Variants in SMIM20 observed in about 807,000 individuals in gnomAD.
The protein encoded by SMIM20 is small integral membrane protein 20.
Under a neutral mutation model 8.7 loss-of-function variants are expected in SMIM20, and 3 were observed. The ratio of observed to expected loss-of-function variants is 0.34; its 90% CI spans 0.16 to 0.89. The LOEUF (loss-of-function observed/expected upper bound fraction) is 0.89. Among genes scored for constraint, SMIM20 ranks in the 40% least tolerant of loss-of-function variants. The probability of loss-of-function intolerance (pLI) is 0.49; values close to 1 mark genes in which losing one functional copy is unlikely to be tolerated. For synonymous variants in SMIM20, 44 were observed against 33.6 expected (o/e 1.31, Z -1.07); for missense variants, 85 against 84.8 (o/e 1.00, Z -0.01).
intron 1 of SMIM20, among the ~76,000 whole-genome samples, chr4:25,927,477 A>G (rs1355485974): frequency 2.0e-5 from 3 of 152,276 alleles, no homozygotes; most frequent in Non-Finnish European, 2.9e-5. Flanking sequence ...TTAAAGAAAC[A>G]CTGTCAGCCT....
At chr4:25,923,379 T>C (rs1387891289) in intron 1 of SMIM20, among the ~76,000 whole-genome samples, 5 of 152,180 alleles carry the variant, frequency 3.3e-5, no homozygotes, top group African/African-American at 7.2e-5. Flanking sequence ...TCTGTGATCC[T>C]TTTCATTTGA....
In SMIM20 at chr4:25,926,150, T is replaced by G. The variant is rs1719288910; in HGVS notation, c.110-2163T>G. On this transcript the variant is annotated intron_variant, in intron 1 of 2. Coordinates refer to ENST00000506197, the MANE Select transcript of SMIM20 (RefSeq NM_001145432.3). ...TCTGCCATTTCCCTTTTCCTGAGGT[T>G]TATATACATTTGCTCTTTTCCAAAG... Among the ~76,000 whole-genome samples the G allele has an allele frequency of 3.3e-5, 5 of 152,258 alleles. No homozygotes were observed. In the South Asian group the frequency reaches 1.0e-3, roughly 31 times the overall value.
At chr4:25,923,577 A>G (rs1186962295) in intron 1 of SMIM20, among the ~76,000 whole-genome samples, 1 of 152,144 alleles carries the variant, frequency 6.6e-6, no homozygotes, top group Non-Finnish European at 1.5e-5. Context: ...GCCTTCAGAC[A>G]GTGAAGAATG....
chr4:25,928,227 TCCCATGTCATTGG>T, intron 1 of SMIM20, 73 bp from the exon 2 acceptor site: 1 of 1,309,366 alleles, frequency 7.6e-7, no homozygotes, highest in South Asian at 1.3e-5. Context: ...TTTCTAATTG[TCCCATGTCATTGG>T]CCCATGTAAA....
At chr4:25,928,204 T>C (rs992038295) in intron 1 of SMIM20, 109 bp from the exon 2 acceptor site, 3 of 1,092,068 alleles carry the variant, frequency 2.7e-6, no homozygotes, top group Non-Finnish European at 3.9e-6. Flanking sequence ...TTAACAGCAC[T>C]CATAAATACT....
At chr4:25,914,469 A>G in intron 1 of SMIM20, 47 bp downstream of exon 1, 1 of 1,399,224 alleles carries the variant, frequency 7.1e-7, no homozygotes, top group Non-Finnish European at 9.4e-7. Flanking sequence ...CCCAACACAC[A>G]CACCTCCCCT....
chr4:25,922,926 G>A (rs1381777705), intron 1 of SMIM20, among the ~76,000 whole-genome samples: 1 of 152,218 alleles, frequency 6.6e-6, no homozygotes, highest in Non-Finnish European at 1.5e-5. Context: ...AAGCCAAGGA[G>A]ATCTTCCATG....
chr4:25,919,937 C>T (rs1577360867), intron 1 of SMIM20, among the ~76,000 whole-genome samples: 2 of 152,322 alleles, frequency 1.3e-5, no homozygotes, highest in African/African-American at 4.8e-5. Context: ...TCTTCACCCG[C>T]GTTCTTTACT....
rs1711585437 is a variant in SMIM20, at chr4:25,929,242, A to C, written c.*51A>C. On this transcript the variant is annotated 3_prime_UTR_variant, in exon 3 of 3. Coordinates refer to ENST00000506197, the MANE Select transcript of SMIM20 (RefSeq NM_001145432.3). ...GAAAGGAGATTTCTTCATGCTTTCG[A>C]TTCTGCATGGGGTACAGCCAGTCAC... The C allele has an allele frequency of 6.5e-7, 1 of 1,540,786 alleles. No homozygotes were observed. The highest frequency in any genetic ancestry group is 1.4e-5 in the African/African-American group (1 of 72,800).
At chr4:25,916,441 A>G (rs1356128167) in intron 1 of SMIM20, among the ~76,000 whole-genome samples, 1 of 152,008 alleles carries the variant, frequency 6.6e-6, no homozygotes, top group African/African-American at 2.4e-5. Flanking sequence ...CGAACTCCTG[A>G]CCTTAGGTGA....
intron 1 of SMIM20, among the ~76,000 whole-genome samples, chr4:25,918,777 G>T (rs1489975888): frequency 6.6e-6 from 1 of 151,166 alleles, no homozygotes; most frequent in African/African-American, 2.4e-5. Flanking sequence ...GCCTCCCAAA[G>T]TGCTGGGATT....
At chr4:25,918,003 C>T (rs1476080926) in intron 1 of SMIM20, among the ~76,000 whole-genome samples, 1 of 141,962 alleles carries the variant, frequency 7.0e-6, no homozygotes, top group Admixed American at 7.5e-5. Flanking sequence ...AGTGCAGTGG[C>T]GTGATCTCTG....
At chr4:25,914,784 ATCGTT>A (rs150398755) in intron 1 of SMIM20, among the ~76,000 whole-genome samples, 3 of 152,300 alleles carry the variant, frequency 2.0e-5, no homozygotes, top group Non-Finnish European at 2.9e-5. Flanking sequence ...CATATGTTGG[ATCGTT>A]TCATTTGCAC....
chr4:25,926,811 T>C (rs182268053), intron 1 of SMIM20, among the ~76,000 whole-genome samples: 2 of 152,378 alleles, frequency 1.3e-5, no homozygotes, highest in East Asian at 1.9e-4. Flanking sequence ...CCCTCTTCCA[T>C]AGTATCAGAA....
At chr4:25,918,028 C>T (rs999423748) in intron 1 of SMIM20, among the ~76,000 whole-genome samples, 11 of 151,112 alleles carry the variant, frequency 7.3e-5, no homozygotes, top group African/African-American at 2.4e-4. Context: ...CTGCAAGCTC[C>T]GCCTCCCGGG....
chr4:25,925,417 A>G (rs1003051609), intron 1 of SMIM20, among the ~76,000 whole-genome samples: 1 of 151,956 alleles, frequency 6.6e-6, no homozygotes, highest in Non-Finnish European at 1.5e-5. Context: ...TTGTATTTTT[A>G]GTAGAGATGG....
At chr4:25,926,944 A>C (rs77654190) in intron 1 of SMIM20, among the ~76,000 whole-genome samples, 116 of 152,292 alleles carry the variant, frequency 7.6e-4, no homozygotes, top group African/African-American at 2.7e-3. Context: ...ATACTTTGAG[A>C]CTTACATGTC....
chr4:25,926,974 G>A (rs993060225), intron 1 of SMIM20, among the ~76,000 whole-genome samples: 1 of 152,218 alleles, frequency 6.6e-6, no homozygotes, highest in Non-Finnish European at 1.5e-5. Context: ...GTGGGGCTCA[G>A]TTCTACAATG....
rs1331107231 is a variant in SMIM20 at position 25,914,225 on chromosome 4, C to A, written c.-89C>A. ...GGAAGCGAAAGCCTCTCCACCTCTT[C>A]CGAGCGGGGTCACGGCCCGGCCGTC... On this transcript the variant is annotated 5_prime_UTR_variant, in exon 1 of 3. Transcript: ENST00000506197. 9 of 1,498,750 alleles carry A rather than the reference C, an allele frequency of 6.0e-6. No homozygotes were observed. Among genetic ancestry groups the A allele is most frequent in the Non-Finnish European group, 7.2e-6 (8 of 1,118,366 alleles). The allele number at this position is 1,498,750 out of a possible 1,614,324, so 92.8% of individuals were successfully genotyped here.
Sources: allele counts gnomAD v4.1 joint callset (sites outside exome capture counted in the v4.1 genomes callset), GRCh38; gene constraint gnomAD v4.1.1; transcripts MANE v1.5; gene names NCBI Gene and HGNC (gene_info 2026-07-23, HGNC 2026-07-21).